Variants in MAP3K5 observed in about 807,000 individuals in gnomAD.
MAP3K5 encodes mitogen-activated protein kinase kinase kinase 5.
In MAP3K5, 56 loss-of-function variants were observed where a neutral mutation model predicts 158.7. The observed-to-expected ratio is 0.35, with a 90% confidence interval of 0.28 to 0.44. The LOEUF (loss-of-function observed/expected upper bound fraction) is 0.44. Among genes scored for constraint, MAP3K5 ranks in the 20% least tolerant of loss-of-function variants. MAP3K5 has a pLI of 1.00. For missense variants in MAP3K5, 1,294 were observed against 1,674.8 expected, an observed-to-expected ratio of 0.77 and a Z score of 3.97; for synonymous variants, 579 against 601.7, an observed-to-expected ratio of 0.96 and a Z score of 0.55.
At chr6:136,722,451 T>C (rs9494561) in intron 1 of MAP3K5, among the ~76,000 whole-genome samples, 77,696 of 151,942 alleles carry the variant, frequency 0.51, 20,365 homozygotes, top group African/African-American at 0.63. Flanking sequence ...TAGACAATCA[T>C]GCTATAGACA....
intron 7 of MAP3K5, among the ~76,000 whole-genome samples, chr6:136,685,788 A>T (rs1780121087): frequency 6.6e-6 from 1 of 152,166 alleles, no homozygotes; most frequent in African/African-American, 2.4e-5. Flanking sequence ...AAAAGAAAAA[A>T]ACAAGGGTCA....
intron 20 of MAP3K5, 124 bp from the exon 21 acceptor site, chr6:136,601,166 C>G (rs41288959): frequency 1.1e-5 from 9 of 798,558 alleles, no homozygotes; most frequent in Non-Finnish European, 1.9e-5. Flanking sequence ...TCAATCTGCC[C>G]ATTCTCCTCC....
At chr6:136,706,911 G>T (rs982829473) in intron 2 of MAP3K5, among the ~76,000 whole-genome samples, 11 of 152,206 alleles carry the variant, frequency 7.2e-5, no homozygotes, top group African/African-American at 2.7e-4. Flanking sequence ...GCTTTGGGAG[G>T]CTAAGGCCGG....
intron 8 of MAP3K5, among the ~76,000 whole-genome samples, chr6:136,662,276 G>A (rs1483874241): frequency 2.0e-5 from 3 of 152,172 alleles, no homozygotes; most frequent in African/African-American, 4.8e-5. Context: ...TCCCAGTGAG[G>A]GGGACTATCA....
Position 136,562,559 on chromosome 6 carries a change from G to C in MAP3K5, c.3818C>G (p.Ala1273Gly). 6.2e-7 allele frequency: 1 copy of C among 1,604,088 alleles called. No individual in the cohort carries two copies. Among genetic ancestry groups the C allele is most frequent in the Non-Finnish European group, 8.5e-7 (1 of 1,175,390 alleles). Residue 1273 changes from alanine (A) to glycine (G), a missense_variant, in exon 27 of 30, where the codon GCT becomes GGT. Physicochemically the swap from Ala to Gly is moderately conservative, Grantham distance 60. This residue lies in a region of MAP3K5 where 199 missense variants were observed against 220.3 expected (regional missense o/e 0.90). Transcript: ENST00000359015. Reference protein sequence around the residue: ...EKELQALLHRAIEEKDQEIKH... With the variant: ...EKELQALLHRGIEEKDQEIKH... ...AATTTCTTGGTCTTTTTCTTCAATA[G>C]CTCGATGAAGGAGTGCTTGTAATTC...
intron 26 of MAP3K5, among the ~76,000 whole-genome samples, chr6:136,563,346 A>C (rs1166342722): frequency 1.3e-5 from 2 of 152,248 alleles, no homozygotes; most frequent in East Asian, 3.8e-4. Context: ...GCAAATGTGC[A>C]TAATTTCATA....
chr6:136,658,337 C>CA lies in MAP3K5; in HGVS notation c.1526+881dup, dbSNP rs1337619109. ...TCTTTTTTTTTTTTTTTTTTTGAGA[C>CA]AGAGTCTTGCCCTGTCACCCAGGTT... is the stretch of plus-strand genomic sequence containing the variant. On this transcript the variant is annotated intron_variant, in intron 9 of 29. Transcript: ENST00000359015. Among the ~76,000 whole-genome samples the CA allele has an allele frequency of 2.2e-4, 18 of 81,800 alleles. No homozygotes were observed. The Admixed American group carries it at 3.3e-3, about 15-fold the overall frequency. 53.7% of individuals were successfully genotyped at this position (81,800 alleles called of 152,430 possible).
At chr6:136,667,317 T>C (rs1779270051) in intron 8 of MAP3K5, among the ~76,000 whole-genome samples, 1 of 152,218 alleles carries the variant, frequency 6.6e-6, no homozygotes, top group South Asian at 2.1e-4. Context: ...GGATTTTGGC[T>C]AGTATAGAGT....
chr6:136,669,724 T>C (rs1374036597), intron 7 of MAP3K5, among the ~76,000 whole-genome samples: 1 of 152,202 alleles, frequency 6.6e-6, no homozygotes, highest in African/African-American at 2.4e-5. Context: ...AAAATTACTC[T>C]AAATATCCAA....
Position 136,791,694 on chromosome 6 carries a change from G to T in MAP3K5, c.448+16C>A. 1 of 1,612,418 alleles carries T rather than the reference G, an allele frequency of 6.2e-7. No homozygotes were observed. The highest frequency in any genetic ancestry group is 8.5e-7 in the Non-Finnish European group (1 of 1,179,514). ...GGTCCCGACCGCGCGGGATGGGAAA[G>T]GGGTCACACACGCACCTGCATTGTA... On this transcript the variant is annotated intron_variant, in intron 1 of 29. Transcript: ENST00000359015.
At chr6:136,669,716 A>G (rs1779392342) in intron 7 of MAP3K5, among the ~76,000 whole-genome samples, 1 of 152,178 alleles carries the variant, frequency 6.6e-6, no homozygotes, top group African/African-American at 2.4e-5. Flanking sequence ...CAAGATGAAA[A>G]ATTACTCTAA....
At chr6:136,598,050 C>T (rs906617816) in intron 21 of MAP3K5, among the ~76,000 whole-genome samples, 36 of 152,160 alleles carry the variant, frequency 2.4e-4, no homozygotes, top group Non-Finnish European at 4.9e-4. Flanking sequence ...AAATTTTCCC[C>T]GGCTCCCCAA....
chr6:136,582,409 G>T (rs1206410221), intron 24 of MAP3K5, among the ~76,000 whole-genome samples: 2 of 152,164 alleles, frequency 1.3e-5, no homozygotes, highest in African/African-American at 4.8e-5. Context: ...CCAAATGTGT[G>T]GGCAAGTGCA....
Position 136,658,277 on chromosome 6 carries a change from ATTCTTT to A in MAP3K5, c.1526+936_1526+941del, listed in dbSNP as rs535872307. Among the ~76,000 whole-genome samples the A allele has an allele frequency of 7.6e-3, 1,127 of 147,482 alleles. 6 individuals are homozygous for A. The highest frequency in any genetic ancestry group is 0.014 in the Middle Eastern group (4 of 280). On this transcript the variant is annotated intron_variant, in intron 9 of 29. Transcript: ENST00000359015. ...ATCGCTACATGTGATGCTAATAAAA[ATTCTTT>A]TTCTTTTTCTTTTCTTTCTTTCTTT...
At chr6:136,685,878 G>A (rs1048647105) in intron 7 of MAP3K5, among the ~76,000 whole-genome samples, 1 of 152,194 alleles carries the variant, frequency 6.6e-6, no homozygotes, top group African/African-American at 2.4e-5. Flanking sequence ...GACAACCTCA[G>A]CAGCCCTCCT....
chr6:136,672,558 A>G (rs1562599754), intron 7 of MAP3K5, among the ~76,000 whole-genome samples: 2 of 152,208 alleles, frequency 1.3e-5, no homozygotes, highest in African/African-American at 2.4e-5. Context: ...TTCACAGGAC[A>G]TTCGTTGAAT....
chr6:136,611,089 C>T (rs1295917801), intron 18 of MAP3K5, among the ~76,000 whole-genome samples, 193 bp downstream of exon 18: 2 of 106,926 alleles, frequency 1.9e-5, no homozygotes, highest in Non-Finnish European at 3.4e-5. Context: ...GCCTAGGTGA[C>T]AGGGCAAGAC....
At chr6:136,614,334 A>C in intron 15 of MAP3K5, 48 bp from the exon 16 acceptor site, 1 of 1,591,790 alleles carries the variant, frequency 6.3e-7, no homozygotes, top group East Asian at 2.2e-5. Flanking sequence ...GCCAGACTTT[A>C]CTGTATAAAT....
At chr6:136,647,708 G>C (rs542727965) in intron 11 of MAP3K5, 6 of 152,248 alleles carry the variant, frequency 3.9e-5, no homozygotes, top group African/African-American at 1.4e-4. Flanking sequence ...TTGGTGCCTT[G>C]GTTGGAATTC....
Sources: gnomAD v4.1 joint callset for allele counts (sites outside exome capture counted in the v4.1 genomes callset) on GRCh38, gnomAD v4.1.1 for gene constraint, gnomAD v4.1.1 regional missense constraint, MANE v1.5 for transcripts, NCBI Gene and HGNC (gene_info 2026-07-23, HGNC 2026-07-21) for gene names.